Variants in VAMP7 observed in about 807,000 individuals in gnomAD.
The protein encoded by VAMP7 is vesicle-associated membrane protein 7.
Under a neutral mutation model 29.6 loss-of-function variants are expected in VAMP7, and 14 were observed. The ratio of observed to expected loss-of-function variants is 0.47; its 90% CI spans 0.31 to 0.74. The LOEUF is 0.74. VAMP7 is among the 30% of genes least tolerant of loss of function. VAMP7 has a pLI of 0.05. For missense variants in VAMP7, 223 were observed against 262.4 expected (o/e 0.85, Z 1.04); for synonymous variants, 95 against 88.1 (o/e 1.08, Z -0.44).
At chrX:155,937,244 A>G (rs1175406300) in intron 6 of VAMP7, among the ~76,000 whole-genome samples, 1 of 152,212 alleles carries the variant, frequency 6.6e-6, no homozygotes, top group Admixed American at 6.5e-5. Flanking sequence ...GCAGAGAGTA[A>G]AACAGTGGTT....
At chrX:155,940,850 A>G (rs1569453598) in intron 7 of VAMP7, among the ~76,000 whole-genome samples, 1 of 152,142 alleles carries the variant, frequency 6.6e-6, no homozygotes, top group Non-Finnish European at 1.5e-5. Context: ...TAATAAACAG[A>G]ATTTGCTGTA....
intron 5 of VAMP7, among the ~76,000 whole-genome samples, chrX:155,903,285 A>G (rs1408180886): frequency 6.6e-6 from 1 of 152,172 alleles, no homozygotes; most frequent in African/African-American, 2.4e-5. Context: ...CATTCAGGAC[A>G]TAGGCATGGG....
intron 5 of VAMP7, among the ~76,000 whole-genome samples, chrX:155,903,469 T>C (rs1307500147): frequency 6.6e-6 from 1 of 152,096 alleles, no homozygotes; most frequent in Non-Finnish European, 1.5e-5. Flanking sequence ...GACAAAGAGC[T>C]AATATCCAGA....
chrX:155,938,660 CAT>C (rs2066698212), intron 6 of VAMP7, among the ~76,000 whole-genome samples: 1 of 152,036 alleles, frequency 6.6e-6, no homozygotes, highest in Non-Finnish European at 1.5e-5. Flanking sequence ...ATTAATAAAA[CAT>C]AGCAGGGGCC....
intron 5 of VAMP7, among the ~76,000 whole-genome samples, chrX:155,916,908 G>T (rs2124338665): frequency 6.6e-6 from 1 of 152,192 alleles, no homozygotes; most frequent in African/African-American, 2.4e-5. Context: ...GACCTATCTT[G>T]CTAGGTTGGG....
chrX:155,903,995 C>T (rs1186165194), intron 5 of VAMP7, among the ~76,000 whole-genome samples: 6 of 151,836 alleles, frequency 4.0e-5, no homozygotes, highest in Non-Finnish European at 2.9e-5. Flanking sequence ...GAAAATGTGG[C>T]ACATATACAC....
rs780996590 is a variant in VAMP7 at position 155,939,587 on chromosome X, G to T, written c.502-114G>T. 1.5e-5 allele frequency: 12 copies of T among 796,022 alleles called. No individual in the cohort carries two copies. In the African/African-American group the frequency reaches 1.5e-4, roughly 10 times the overall value. 49.3% of individuals were successfully genotyped at this position (796,022 alleles called of 1,614,324 possible). On this transcript the variant is annotated intron_variant, in intron 6 of 7. Transcript: ENST00000286448. ...TGAATGGCCAGTCTCTACTTGTAAAGAGAGGTCATTGGACTTAAATGGAAT... is the reference window on the plus strand; with the variant it reads ...TGAATGGCCAGTCTCTACTTGTAAATAGAGGTCATTGGACTTAAATGGAAT...
chrX:155,924,116 T>C (rs1339356529), intron 6 of VAMP7, among the ~76,000 whole-genome samples: 1 of 152,182 alleles, frequency 6.6e-6, no homozygotes, highest in East Asian at 1.9e-4. Flanking sequence ...ATCCCTGTCC[T>C]CTTCTTTTTT....
intron 4 of VAMP7, 140 bp from the exon 5 acceptor site, chrX:155,900,357 G>A (rs2066044354): frequency 1.6e-6 from 1 of 634,382 alleles, no homozygotes; most frequent in Non-Finnish European, 2.6e-6. Context: ...CATTTTTCCA[G>A]TGAAGTGACA....
chrX:155,900,379 T>C (rs1371413265), intron 4 of VAMP7, 118 bp from the exon 5 acceptor site: 9 of 762,084 alleles, frequency 1.2e-5, no homozygotes, highest in Non-Finnish European at 1.9e-5. Context: ...GTATCTTTTA[T>C]ATCAATAGAG....
intron 1 of VAMP7, among the ~76,000 whole-genome samples, chrX:155,883,275 A>G (rs1273415964): frequency 6.6e-6 from 1 of 152,158 alleles, no homozygotes; most frequent in Non-Finnish European, 1.5e-5. Flanking sequence ...CTCATTCACC[A>G]AAGGTGGACC....
intron 5 of VAMP7, among the ~76,000 whole-genome samples, chrX:155,912,784 A>C (rs2066256429): frequency 6.6e-6 from 1 of 152,100 alleles, no homozygotes; most frequent in African/African-American, 2.4e-5. Context: ...GGTTGGTTCC[A>C]AGTCTTTGCT....
intron 5 of VAMP7, among the ~76,000 whole-genome samples, chrX:155,911,604 CTT>C (rs1368826352): frequency 6.6e-6 from 1 of 151,642 alleles, no homozygotes; most frequent in Non-Finnish European, 1.5e-5. Context: ...CTTTCTGTAT[CTT>C]TGTGTCATCT....
chrX:155,891,627 C>T (rs1443483207), intron 2 of VAMP7, among the ~76,000 whole-genome samples: 1 of 152,194 alleles, frequency 6.6e-6, no homozygotes, highest in Admixed American at 6.5e-5. Context: ...CAGTAATGAT[C>T]AAATAATTGC....
At chrX:155,895,745 T>A in intron 3 of VAMP7, 65 bp downstream of exon 3, 1 of 1,479,870 alleles carries the variant, frequency 6.8e-7, no homozygotes, top group East Asian at 2.3e-5. Context: ...AGTTCTTAAT[T>A]ATCTATACCA....
At chrX:155,912,947 C>A (rs963064876) in intron 5 of VAMP7, among the ~76,000 whole-genome samples, 1 of 152,160 alleles carries the variant, frequency 6.6e-6, no homozygotes. Context: ...CTGTCTTTGA[C>A]AATGGTTGAA....
intron 6 of VAMP7, among the ~76,000 whole-genome samples, chrX:155,922,043 C>T (rs1220012982): frequency 1.3e-5 from 2 of 151,902 alleles, no homozygotes; most frequent in African/African-American, 4.8e-5. Flanking sequence ...TAAATTTACC[C>T]TTGAGAATAT....
chrX:155,884,454 AT>A (rs1259717625), intron 1 of VAMP7, among the ~76,000 whole-genome samples: 3 of 152,208 alleles, frequency 2.0e-5, no homozygotes, highest in South Asian at 2.1e-4. Context: ...CCATGCAGGT[AT>A]CTTTCAATTG....
At chrX:155,930,499 A>C (rs1398226475) in intron 6 of VAMP7, among the ~76,000 whole-genome samples, 14 of 151,594 alleles carry the variant, frequency 9.2e-5, no homozygotes, top group East Asian at 3.9e-4. Flanking sequence ...CAAAAAAAAA[A>C]AAAAAATAGG....
Sources: gnomAD v4.1 joint callset for allele counts (sites outside exome capture counted in the v4.1 genomes callset) on GRCh38, gnomAD v4.1.1 for gene constraint, MANE v1.5 for transcripts, NCBI Gene and HGNC (gene_info 2026-07-23, HGNC 2026-07-21) for gene names.